SCP2: variants seen among roughly 807,000 people sequenced by gnomAD.
SCP2 encodes sterol carrier protein 2.
Under a neutral mutation model 71.4 loss-of-function variants are expected in SCP2, and 48 were observed. The ratio of observed to expected loss-of-function variants is 0.67; its 90% confidence interval spans 0.53 to 0.86. The LOEUF (loss-of-function observed/expected upper bound fraction) is 0.86, where lower values mean the gene tolerates loss of function less well. Among genes scored for constraint, SCP2 ranks in the 40% least tolerant of loss-of-function variants. SCP2 has a pLI of 0.00. For missense variants in SCP2, 560 were observed against 655.6 expected, an observed-to-expected ratio of 0.85 and a Z score of 1.59; for synonymous variants, 220 against 218.1, an observed-to-expected ratio of 1.01 and a Z score of -0.08.
chr1:52,973,293 C>T (rs1409056615), intron 6 of SCP2, among the ~76,000 whole-genome samples: 2 of 151,544 alleles, frequency 1.3e-5, no homozygotes, highest in Admixed American at 6.6e-5. Flanking sequence ...ACAGTAAAGA[C>T]GTGTTTAGCT....
At chr1:52,937,943 AG>A (rs1653882126) in intron 1 of SCP2, among the ~76,000 whole-genome samples, 1 of 152,200 alleles carries the variant, frequency 6.6e-6, no homozygotes, top group Admixed American at 6.5e-5. Flanking sequence ...TACTGTTAAA[AG>A]GGGGGTGGGT....
chr1:53,051,094 CTAAG>C lies in SCP2; in HGVS notation c.*395_*398del, dbSNP rs1202649572. 1 of 163,644 alleles carries C rather than the reference CTAAG, an allele frequency of 6.1e-6. No homozygotes were observed. The highest frequency in any genetic ancestry group is 2.4e-5 in the African/African-American group (1 of 41,548). 10.1% of individuals were successfully genotyped at this position (163,644 alleles called of 1,614,324 possible). A position where few individuals can be genotyped will look rare whatever the true frequency, so the allele number is the denominator to read the frequency against. On this transcript the variant is annotated 3_prime_UTR_variant, in exon 16 of 16. Coordinates refer to ENST00000371514, the MANE Select transcript of SCP2 (RefSeq NM_002979.5). ...AGTTTAAGAGTTTTCCTTGGGAGAA[CTAAG>C]TAAGAAACACAATGCCAACAGCTGG...
At chr1:52,987,336 T>C (rs1659089472) in intron 10 of SCP2, among the ~76,000 whole-genome samples, 1 of 152,180 alleles carries the variant, frequency 6.6e-6, no homozygotes, top group Non-Finnish European at 1.5e-5. Context: ...AGCTATTAGC[T>C]ACCTTTGACA....
chr1:52,944,198 C>A (rs1217989373), intron 2 of SCP2, among the ~76,000 whole-genome samples: 2 of 152,188 alleles, frequency 1.3e-5, no homozygotes, highest in African/African-American at 4.8e-5. Flanking sequence ...ATTCCTGCTA[C>A]GTTGTTGCCA....
intron 12 of SCP2, among the ~76,000 whole-genome samples, chr1:53,026,740 C>A (rs6588452): frequency 6.6e-6 from 1 of 151,738 alleles, no homozygotes; most frequent in Non-Finnish European, 1.5e-5. Flanking sequence ...ACCAGGAGTT[C>A]GAGGTTACAG....
intron 6 of SCP2, among the ~76,000 whole-genome samples, chr1:52,974,272 G>A (rs1057340397): frequency 3.3e-5 from 5 of 151,834 alleles, no homozygotes; most frequent in African/African-American, 1.2e-4. Flanking sequence ...TAAATTTTCT[G>A]TTAAGGAATT....
intron 6 of SCP2, among the ~76,000 whole-genome samples, chr1:52,970,210 T>G (rs1194093633): frequency 6.6e-6 from 1 of 152,176 alleles, no homozygotes; most frequent in African/African-American, 2.4e-5. Context: ...TTTGAGTGTG[T>G]TGTTTGTAGA....
chr1:52,980,334 A>T, intron 9 of SCP2, 62 bp from the exon 10 acceptor site: 1 of 1,484,822 alleles, frequency 6.7e-7, no homozygotes, highest in Non-Finnish European at 9.3e-7. Flanking sequence ...TTAATCTCTT[A>T]AAATACTTGT....
In SCP2 at chr1:52,974,820, C is replaced by T. The variant is rs200541507; in HGVS notation, c.575C>T (p.Ser192Leu). Residue 192 changes from serine to leucine, a missense_variant, in exon 7 of 16, where the codon TCA becomes TTA. Physicochemically the swap from Ser to Leu is moderately radical, Grantham distance 145. Around this residue, in one of 3 missense-constraint regions of SCP2, gnomAD observed 513 missense variants for 573.1 expected, o/e 0.90. Coordinates refer to ENST00000371514, the MANE Select transcript of SCP2 (RefSeq NM_002979.5). ...ATTGGATGGAAAAATCATAAACATT[C>T]AGTTAATAACCCGTAAGTATTTCAG... ...AKIGWKNHKH[S>L]VNNPYSQFQD... The T allele has an allele frequency of 2.0e-6, 3 of 1,485,440 alleles. No individual in the cohort carries two copies. Among genetic ancestry groups the T allele is most frequent in the Non-Finnish European group, 1.9e-6 (2 of 1,062,902 alleles). The allele number at this position is 1,485,440 out of a possible 1,614,324, so 92.0% of individuals were successfully genotyped here. A position where few individuals can be genotyped will look rare whatever the true frequency, so the allele number is the denominator to read the frequency against.
At chr1:52,962,927 G>C (rs1282531783) in intron 6 of SCP2, among the ~76,000 whole-genome samples, 3 of 149,682 alleles carry the variant, frequency 2.0e-5, no homozygotes, top group African/African-American at 7.4e-5. Context: ...ATATATTCTT[G>C]TTTATTGACT....
intron 6 of SCP2, among the ~76,000 whole-genome samples, chr1:52,965,458 G>A (rs1221467151): frequency 1.3e-5 from 2 of 152,112 alleles, no homozygotes; most frequent in African/African-American, 4.8e-5. Flanking sequence ...CTGTCTTTGT[G>A]TCTTTCAGGA....
chr1:52,927,640 C>T (rs1251487687), intron 1 of SCP2, among the ~76,000 whole-genome samples, 175 bp downstream of exon 1: 1 of 152,192 alleles, frequency 6.6e-6, no homozygotes, highest in East Asian at 1.9e-4. Flanking sequence ...CGGGCTGGTT[C>T]CTGCGGCCTT....
intron 6 of SCP2, chr1:52,963,552 G>T (rs1405081685): frequency 6.6e-6 from 1 of 152,100 alleles, no homozygotes; most frequent in African/African-American, 2.4e-5. Context: ...ACAAGTTTTT[G>T]ACCAGGATGA....
At chr1:53,015,701 G>C (rs574816825) in intron 12 of SCP2, among the ~76,000 whole-genome samples, 1 of 152,118 alleles carries the variant, frequency 6.6e-6, no homozygotes, top group Admixed American at 6.5e-5. Context: ...CCCTCTGTCA[G>C]CATACATGTT....
At chr1:53,050,166 A>G (rs1487811423) in intron 15 of SCP2, 1 of 207,214 alleles carries the variant, frequency 4.8e-6, no homozygotes. Context: ...CTCTGTAGGG[A>G]TAAGTCCTTT....
intron 11 of SCP2, among the ~76,000 whole-genome samples, chr1:52,989,077 C>T (rs1352693308): frequency 6.6e-6 from 1 of 152,186 alleles, no homozygotes; most frequent in Non-Finnish European, 1.5e-5. Flanking sequence ...AGCTGCCTAT[C>T]TATTTACCTT....
At chr1:53,005,730 GCACAGCT>G (rs370956822) in intron 11 of SCP2, among the ~76,000 whole-genome samples, 2 of 152,336 alleles carry the variant, frequency 1.3e-5, no homozygotes, top group Non-Finnish European at 2.9e-5. Context: ...CTCCAAAGGA[GCACAGCT>G]CCTCACCAGC....
chr1:53,014,403 A>T (rs1428294695), intron 11 of SCP2, among the ~76,000 whole-genome samples: 1 of 152,156 alleles, frequency 6.6e-6, no homozygotes, highest in Non-Finnish European at 1.5e-5. Context: ...TGATTTTATT[A>T]TTCAGGGGAC....
chr1:52,937,676 C>T (rs1449070906), intron 1 of SCP2, among the ~76,000 whole-genome samples: 2 of 152,112 alleles, frequency 1.3e-5, no homozygotes, highest in Non-Finnish European at 2.9e-5. Context: ...ATTAGTGAGT[C>T]GTGAACTCAA....
Sources: gnomAD v4.1 joint callset for allele counts (sites outside exome capture counted in the v4.1 genomes callset) on GRCh38, gnomAD v4.1.1 for gene constraint, gnomAD v4.1.1 regional missense constraint, MANE v1.5 for transcripts, NCBI Gene and HGNC (gene_info 2026-07-23, HGNC 2026-07-21) for gene names.